Variants in CFAP210 observed in about 807,000 individuals in gnomAD.
The protein encoded by CFAP210 is cilia and flagella associated protein 210, also known as cilia- and flagella- associated protein 210.
chr2:169,681,057 T>G, the CFAP210 span: 1 of 1,613,944 alleles, frequency 6.2e-7, no homozygotes, highest in Non-Finnish European at 8.5e-7. Flanking sequence ...CGCAAATGCA[T>G]TTCTTTCTTT....
the CFAP210 span, among the ~76,000 whole-genome samples, chr2:169,673,814 T>A: frequency 0.046 from 7,067 of 152,228 alleles, 231 homozygotes; most frequent in Non-Finnish European, 0.074. Context: ...TGAGTGGTAG[T>A]TATGCAGCTA....
chr2:169,659,280 G>A, the CFAP210 span: 1 of 152,220 alleles, frequency 6.6e-6, no homozygotes, highest in Admixed American at 6.6e-5. Context: ...GATACCTACT[G>A]TATTAGTCCA....
chr2:169,693,745 T>G, the CFAP210 span, among the ~76,000 whole-genome samples: 10 of 152,298 alleles, frequency 6.6e-5, no homozygotes, highest in African/African-American at 9.6e-5. Flanking sequence ...GCATTTGACT[T>G]AGAGAGAGAC....
At chr2:169,660,023 T>A in the CFAP210 span, among the ~76,000 whole-genome samples, 3 of 152,178 alleles carry the variant, frequency 2.0e-5, no homozygotes, top group Non-Finnish European at 2.9e-5. Flanking sequence ...TGAGTTTTTT[T>A]ATTCAGGTCT....
chr2:169,646,092 C>A, the CFAP210 span: 1 of 1,613,564 alleles, frequency 6.2e-7, no homozygotes, highest in Non-Finnish European at 8.5e-7. Flanking sequence ...TCCTGAAATT[C>A]TTTCTCCTTT....
the CFAP210 span, among the ~76,000 whole-genome samples, chr2:169,672,010 T>A: frequency 8.9e-4 from 136 of 152,332 alleles, no homozygotes; most frequent in Middle Eastern, 3.4e-3. Context: ...CCAACTCAGG[T>A]TAATACCAGT....
At chr2:169,662,536 A>G in the CFAP210 span, 402 of 1,044,046 alleles carry the variant, frequency 3.9e-4, 2 homozygotes, top group African/African-American at 5.5e-3. Context: ...TTGAAGCTGC[A>G]AGGAAAAATC....
chr2:169,651,686 C>A, the CFAP210 span, among the ~76,000 whole-genome samples: 1 of 151,994 alleles, frequency 6.6e-6, no homozygotes, highest in Non-Finnish European at 1.5e-5. Flanking sequence ...TATCAGACTA[C>A]CCTGCTTACT....
the CFAP210 span, among the ~76,000 whole-genome samples, chr2:169,667,258 C>A: frequency 1.3e-5 from 2 of 151,868 alleles, no homozygotes; most frequent in Admixed American, 1.3e-4. Context: ...CCTGCCTCAG[C>A]CTCCTGAGTA....
chr2:169,673,700 C>T, the CFAP210 span, among the ~76,000 whole-genome samples: 12 of 152,150 alleles, frequency 7.9e-5, no homozygotes, highest in Admixed American at 5.9e-4. Context: ...AAGTCTGTGT[C>T]GCCAGATCAA....
At chr2:169,671,499 G>A in the CFAP210 span, among the ~76,000 whole-genome samples, 15,377 of 152,126 alleles carry the variant, frequency 0.1, 968 homozygotes, top group Middle Eastern at 0.19. Flanking sequence ...ATGGAGTGTC[G>A]CTCTTGTTGC....
the CFAP210 span, among the ~76,000 whole-genome samples, chr2:169,691,117 T>C: frequency 2.4e-4 from 37 of 152,316 alleles, 1 homozygote; most frequent in South Asian, 7.2e-3. Context: ...TTTCTCATTA[T>C]TCTGAGACTG....
the CFAP210 span, chr2:169,674,524 T>C: frequency 1.4e-6 from 2 of 1,394,586 alleles, no homozygotes; most frequent in African/African-American, 1.5e-5. Context: ...AAAAGCTACA[T>C]CCATTATGAG....
the CFAP210 span, among the ~76,000 whole-genome samples, chr2:169,653,029 A>AATATATATATATATATATAT: frequency 7.5e-5 from 3 of 39,966 alleles, no homozygotes; most frequent in East Asian, 6.6e-4. Context: ...AAAAAAAAAA[A>AATATATATATATATATATAT]ATATATATAT....
chr2:169,691,919 G>A, the CFAP210 span, among the ~76,000 whole-genome samples: 2 of 152,118 alleles, frequency 1.3e-5, no homozygotes, highest in Non-Finnish European at 2.9e-5. Flanking sequence ...CATATCTTTG[G>A]ATGACTGGAA....
the CFAP210 span, among the ~76,000 whole-genome samples, chr2:169,654,709 G>A: frequency 6.6e-6 from 1 of 151,842 alleles, no homozygotes. Context: ...ATGCTTTTCT[G>A]TATTTCTCTT....
the CFAP210 span, among the ~76,000 whole-genome samples, chr2:169,692,065 G>A: frequency 3.3e-5 from 5 of 152,122 alleles, no homozygotes; most frequent in Admixed American, 6.5e-5. Context: ...TAAGTCATAG[G>A]TGAGAGGCAT....
chr2:169,656,451 T>C, the CFAP210 span, among the ~76,000 whole-genome samples: 1 of 131,508 alleles, frequency 7.6e-6, no homozygotes, highest in Non-Finnish European at 1.6e-5. Context: ...AGGAGGAAGA[T>C]GAAGTAGAGA....
chr2:169,649,442 G>C, the CFAP210 span: 7 of 1,133,848 alleles, frequency 6.2e-6, no homozygotes, highest in Non-Finnish European at 8.8e-6. Context: ...GCAGAGGAGA[G>C]TCAGCCAGGA....
Sources: gnomAD v4.1 joint callset for allele counts (sites outside exome capture counted in the v4.1 genomes callset) on GRCh38, gnomAD v4.1.1 for gene constraint, MANE v1.5 for transcripts, NCBI Gene and HGNC (gene_info 2026-07-23, HGNC 2026-07-21) for gene names.